SHMT1: variants seen among roughly 807,000 people sequenced by gnomAD.
SHMT1 encodes serine hydroxymethyltransferase 1, also known as serine hydroxymethyltransferase, cytosolic.
Under a neutral mutation model 49.0 loss-of-function variants are expected in SHMT1, and 45 were observed. The ratio of observed to expected loss-of-function variants is 0.92; its 90% CI spans 0.72 to 1.18. The LOEUF (loss-of-function observed/expected upper bound fraction) is 1.18, where lower values mean the gene tolerates loss of function less well. SHMT1 is among the 50% of genes most tolerant of loss of function. The probability of loss-of-function intolerance (pLI) is 0.00; values close to 1 mark genes in which losing one functional copy is unlikely to be tolerated. For synonymous variants in SHMT1, 232 were observed against 246.6 expected (o/e 0.94, Z 0.55); for missense variants, 541 against 612.4 (o/e 0.88, Z 1.23).
At chr17:18,334,765 C>T (rs921889339) in intron 8 of SHMT1, among the ~76,000 whole-genome samples, 21 of 152,146 alleles carry the variant, frequency 1.4e-4, no homozygotes, top group Admixed American at 6.5e-4. Flanking sequence ...CTGGAAAGGG[C>T]GTCCAGAGCA....
chr17:18,357,761 TG>T (rs1295448388), intron 1 of SHMT1, among the ~76,000 whole-genome samples: 1 of 151,652 alleles, frequency 6.6e-6, no homozygotes, highest in Non-Finnish European at 1.5e-5. Flanking sequence ...CCCAGCACTT[TG>T]GGAGGCCAGG....
rs759311579 is a variant in SHMT1, at chr17:18,335,669, T to G, written c.821A>C (p.Lys274Thr). 2 of 1,610,754 alleles carry G rather than the reference T, an allele frequency of 1.2e-6. No homozygotes were observed. Among genetic ancestry groups the G allele is most frequent in the Non-Finnish European group, 1.7e-6 (2 of 1,176,918 alleles). ...AGMIFYRKGV[K>T]SVDPKTGKEI... ...TTTGCCAGTCTTGGGATCCACACTT[T>G]TCACTCCTGGAGGAAGAAAAACATC... The change falls in exon 8 of 12, where the codon AAA becomes ACA. Residue 274 changes from lysine to threonine, a missense_variant. Coordinates refer to ENST00000316694, the MANE Select transcript of SHMT1 (RefSeq NM_004169.5).
chr17:18,355,052 A>C (rs1469143162), intron 2 of SHMT1, among the ~76,000 whole-genome samples: 2 of 11,820 alleles, frequency 1.7e-4, no homozygotes, highest in Non-Finnish European at 3.1e-4. Context: ...CTATATCTCA[A>C]AAAAAAAAAA....
At chr17:18,338,091 G>A (rs1249123134) in intron 7 of SHMT1, among the ~76,000 whole-genome samples, 2 of 150,282 alleles carry the variant, frequency 1.3e-5, no homozygotes, top group Non-Finnish European at 3.0e-5. Flanking sequence ...AGTGAGGAGC[G>A]CCTCTTCCCG....
rs766531462 is a variant in SHMT1, at chr17:18,340,719, C to T, written c.601+13G>A. 1 of 1,607,422 alleles carries T rather than the reference C, an allele frequency of 6.2e-7. No individual in the cohort carries two copies. The highest frequency in any genetic ancestry group is 2.2e-5 in the East Asian group (1 of 44,636). On this transcript the variant is annotated intron_variant, in intron 6 of 11. Coordinates refer to ENST00000316694, the MANE Select transcript of SHMT1 (RefSeq NM_004169.5). This position sits in a 1 kb window ranked among gnomAD's most constrained non-coding sequence, Gnocchi z 4.5. ...TACTGGTGAACAAGGTGACTTTCCGCCCCGCGCATCACCTGCGATGATCAG... is the reference window on the plus strand; with the variant it reads ...TACTGGTGAACAAGGTGACTTTCCGTCCCGCGCATCACCTGCGATGATCAG...
chr17:18,340,950 T>C lies in SHMT1; in HGVS notation c.520-137A>G, dbSNP rs2151580334. On this transcript the variant is annotated intron_variant, in intron 5 of 11. Transcript: ENST00000316694. This position sits in a 1 kb window ranked among gnomAD's most constrained non-coding sequence, Gnocchi z 4.5. Reference sequence around the variant, plus strand: ...ATGAGGACTTGAGGGTGAGACAGGATGGATACTGGTGTGTTCAGCCTGCTC... The same window carrying C: ...ATGAGGACTTGAGGGTGAGACAGGACGGATACTGGTGTGTTCAGCCTGCTC... 1 of 708,902 alleles carries C rather than the reference T, an allele frequency of 1.4e-6. No homozygotes were observed. The highest frequency in any genetic ancestry group is 2.0e-5 in the Admixed American group (1 of 49,576). The allele number at this position is 708,902 out of a possible 1,614,324, so 43.9% of individuals were successfully genotyped here.
At chr17:18,352,237 CTG>C (rs1985793551) in intron 3 of SHMT1, among the ~76,000 whole-genome samples, 1 of 150,792 alleles carries the variant, frequency 6.6e-6, no homozygotes, top group South Asian at 2.1e-4. Context: ...GCTCTGCCCC[CTG>C]GGGTTCACGC....
chr17:18,348,372 T>C lies in SHMT1; in HGVS notation c.311A>G (p.Tyr104Cys). Residue 104 changes from tyrosine (Y) to cysteine (C), a missense_variant, in exon 4 of 12, where the codon TAT becomes TGT. Transcript: ENST00000316694. Reference sequence around the variant, plus strand: ...CCCCCAGCACTGTGGGTCCAGCTTATAGGCCTGCAGGGCTCGCTTCTGACA... The same window carrying C: ...CCCCCAGCACTGTGGGTCCAGCTTACAGGCCTGCAGGGCTCGCTTCTGACA... ...TLCQKRALQA[Y>C]KLDPQCWGVN... 1 of 1,614,028 alleles carries C rather than the reference T, an allele frequency of 6.2e-7. No homozygotes were observed. Among genetic ancestry groups the C allele is most frequent in the African/African-American group, 1.3e-5 (1 of 75,044 alleles).
At chr17:18,344,860 T>C (rs866461555) in intron 5 of SHMT1, among the ~76,000 whole-genome samples, 4 of 152,168 alleles carry the variant, frequency 2.6e-5, no homozygotes, top group African/African-American at 9.7e-5. Flanking sequence ...ATGTTGCTGT[T>C]GCTCTAGCCT....
chr17:18,354,488 C>T (rs907972921), intron 2 of SHMT1, among the ~76,000 whole-genome samples: 6 of 152,222 alleles, frequency 3.9e-5, no homozygotes, highest in African/African-American at 9.6e-5. Flanking sequence ...CTCAGCTACT[C>T]GGGGGGCCGA....
At chr17:18,347,155 G>T (rs1985166920) in intron 5 of SHMT1, among the ~76,000 whole-genome samples, 1 of 152,224 alleles carries the variant, frequency 6.6e-6, no homozygotes, top group Admixed American at 6.5e-5. Flanking sequence ...GAGCTGCAGA[G>T]GTGGTGGCTG....
chr17:18,358,995 C>T (rs559009684), intron 1 of SHMT1, among the ~76,000 whole-genome samples: 7 of 152,218 alleles, frequency 4.6e-5, no homozygotes, highest in African/African-American at 1.7e-4. Flanking sequence ...GTGGCTCATG[C>T]CTGTAATCCC....
chr17:18,347,909 T>C (rs1397689140), intron 4 of SHMT1, among the ~76,000 whole-genome samples: 5 of 148,806 alleles, frequency 3.4e-5, no homozygotes, highest in Non-Finnish European at 1.5e-5. Context: ...CTTTTATTTA[T>C]GGCAGTTTTT....
intron 8 of SHMT1, 78 bp downstream of exon 8, chr17:18,335,481 T>G: frequency 2.0e-6 from 2 of 993,942 alleles, no homozygotes; most frequent in East Asian, 2.4e-5. Context: ...AGCGTGGAAG[T>G]CCTGGCACAC....
At chr17:18,331,500 G>C (rs1983204833) in intron 9 of SHMT1, 1 of 152,932 alleles carries the variant, frequency 6.5e-6, no homozygotes, top group African/African-American at 2.4e-5. Flanking sequence ...GCTTCTCATA[G>C]CACCAGGCAC....
intron 2 of SHMT1, among the ~76,000 whole-genome samples, chr17:18,354,321 A>G (rs1398884385): frequency 6.6e-6 from 1 of 152,226 alleles, no homozygotes; most frequent in Non-Finnish European, 1.5e-5. Context: ...CGGGAGGCTG[A>G]GGCAGGAGAA....
chr17:18,347,705 CA>C, intron 4 of SHMT1, 49 bp from the exon 5 acceptor site: 1 of 1,609,486 alleles, frequency 6.2e-7, no homozygotes, highest in Non-Finnish European at 8.5e-7. Flanking sequence ...ACTGAGGTAC[CA>C]AGTGGCATCC....
At chr17:18,345,609 T>A (rs1340011752) in intron 5 of SHMT1, among the ~76,000 whole-genome samples, 1 of 151,866 alleles carries the variant, frequency 6.6e-6, no homozygotes, top group Non-Finnish European at 1.5e-5. Flanking sequence ...ACTCCTGACC[T>A]CATGATCCGC....
At chr17:18,330,773 G>A (rs1352864418) in intron 9 of SHMT1, 102 bp from the exon 10 acceptor site, 2 of 810,544 alleles carry the variant, frequency 2.5e-6, no homozygotes, top group Non-Finnish European at 4.2e-6. Flanking sequence ...AGCAGATGAG[G>A]TCAGGAAGGT....
Sources: allele counts gnomAD v4.1 joint callset (sites outside exome capture counted in the v4.1 genomes callset), GRCh38; gene constraint gnomAD v4.1.1; non-coding constraint Gnocchi (gnomAD v3.1); transcripts MANE v1.5; gene names NCBI Gene and HGNC (gene_info 2026-07-23, HGNC 2026-07-21).